The following FBLN7 variants were observed in gnomAD, a reference collection of about 807,000 sequenced individuals.
The protein encoded by FBLN7 is fibulin 7, also known as fibulin-7.
FBLN7 carries 31 observed loss-of-function variants against 44.0 expected under a neutral mutation model. The observed-to-expected ratio is 0.70, with a 90% confidence interval of 0.53 to 0.95. The LOEUF is 0.95. Among genes scored for constraint, FBLN7 ranks in the 40% least tolerant of loss-of-function variants. The pLI, the probability that FBLN7 is intolerant of heterozygous loss-of-function variation, is 0.00. For synonymous variants in FBLN7, 262 were observed against 253.4 expected, an observed-to-expected ratio of 1.03 and a Z score of -0.32; for missense variants, 573 against 618.5, an observed-to-expected ratio of 0.93 and a Z score of 0.78.
At chr2:112,162,591 C>T (rs1002605407) in intron 2 of FBLN7, among the ~76,000 whole-genome samples, 1 of 152,210 alleles carries the variant, frequency 6.6e-6, no homozygotes, top group African/African-American at 2.4e-5. Context: ...TGGCTCTGCA[C>T]ACTCAGTAGG....
chr2:112,186,339 C>T (rs185142389), intron 7 of FBLN7, among the ~76,000 whole-genome samples: 240 of 152,218 alleles, frequency 1.6e-3, no homozygotes, highest in African/African-American at 5.2e-3. Context: ...GGGCTTCCTG[C>T]GTTGAGAATA....
intron 6 of FBLN7, among the ~76,000 whole-genome samples, chr2:112,184,836 TACACACAC>T (rs201187119): frequency 7.1e-6 from 1 of 140,458 alleles, no homozygotes; most frequent in Non-Finnish European, 1.5e-5. Flanking sequence ...TACATATATA[TACACACAC>T]ACATATATAT....
At chr2:112,160,786 GCACACGCACA>G (rs1558880387) in intron 2 of FBLN7, among the ~76,000 whole-genome samples, 6 of 100,660 alleles carry the variant, frequency 6.0e-5, no homozygotes, top group East Asian at 2.4e-4. Context: ...GCACACGCAC[GCACACGCACA>G]CACGCACGCA....
At chr2:112,168,990 G>A (rs1003770412) in intron 3 of FBLN7, among the ~76,000 whole-genome samples, 1 of 152,190 alleles carries the variant, frequency 6.6e-6, no homozygotes, top group Non-Finnish European at 1.5e-5. Flanking sequence ...ACAGCAGGCA[G>A]GCCAGGAGCG....
intron 3 of FBLN7, among the ~76,000 whole-genome samples, chr2:112,174,043 G>T (rs1355614941): frequency 1.3e-5 from 2 of 152,244 alleles, no homozygotes; most frequent in Non-Finnish European, 1.5e-5. Context: ...GGCAGCAAAG[G>T]AGAGACCACA....
intron 4 of FBLN7, among the ~76,000 whole-genome samples, chr2:112,180,846 C>T (rs545354953): frequency 7.0e-6 from 1 of 142,648 alleles, no homozygotes; most frequent in Admixed American, 7.4e-5. Context: ...TGGCATGAAC[C>T]CGGGAGGCAG....
At chr2:112,167,464 G>A (rs777563863) in intron 3 of FBLN7, among the ~76,000 whole-genome samples, 3 of 152,116 alleles carry the variant, frequency 2.0e-5, no homozygotes, top group Admixed American at 6.6e-5. Context: ...GGTTGCTTTA[G>A]TTATGCATTT....
the FBLN7 span, chr2:112,236,736 C>T: frequency 7.2e-6 from 11 of 1,533,998 alleles, no homozygotes; most frequent in East Asian, 1.7e-4. Flanking sequence ...CATAAAGTTA[C>T]AATAGCAGTT....
At chr2:112,234,451 T>A in the FBLN7 span, among the ~76,000 whole-genome samples, 3 of 152,312 alleles carry the variant, frequency 2.0e-5, no homozygotes, top group Middle Eastern at 0.01. Flanking sequence ...AATGTTTGTA[T>A]TGATTTGAAT....
the FBLN7 span, among the ~76,000 whole-genome samples, chr2:112,243,775 T>G: frequency 6.6e-6 from 1 of 152,088 alleles, no homozygotes; most frequent in Non-Finnish European, 1.5e-5. Context: ...TTATAGAAAA[T>G]GCTTACTGAT....
rs903715528 is a variant in FBLN7, at chr2:112,165,321, C to T, written c.406+150C>T. On this transcript the variant is annotated intron_variant, in intron 3 of 7. Transcript: ENST00000331203. Reference sequence around the variant, plus strand: ...GAACAGCAGCCAATGTGCCTGATCACTCACCTCCATGCCAGGTTGGCGCTG... The same window carrying T: ...GAACAGCAGCCAATGTGCCTGATCATTCACCTCCATGCCAGGTTGGCGCTG... 6 of 974,962 alleles carry T rather than the reference C, an allele frequency of 6.2e-6. No homozygotes were observed. In the African/African-American group the frequency reaches 6.6e-5, roughly 11 times the overall value. 60.4% of individuals were successfully genotyped at this position (974,962 alleles called of 1,614,324 possible). A position where few individuals can be genotyped will look rare whatever the true frequency, so the allele number is the denominator to read the frequency against.
At chr2:112,191,167 C>T (rs759470918), downstream of FBLN7, among the ~76,000 whole-genome samples, 15 of 151,608 alleles carry the variant, frequency 9.9e-5, no homozygotes, top group African/African-American at 2.2e-4. Context: ...GTAGTGTTTT[C>T]GTTTTATTTT....
chr2:112,196,371 C>CT, the FBLN7 span, among the ~76,000 whole-genome samples: 1 of 115,594 alleles, frequency 8.7e-6, no homozygotes, highest in Non-Finnish European at 1.7e-5. Context: ...TCTTCTTCTT[C>CT]TTCTTTTTTT....
the FBLN7 span, chr2:112,233,519 AACC>A: frequency 1.6e-6 from 1 of 618,002 alleles, no homozygotes; most frequent in Middle Eastern, 4.1e-4. Flanking sequence ...AATAAATTAT[AACC>A]ACATCACATA....
the FBLN7 span, among the ~76,000 whole-genome samples, chr2:112,244,385 C>T: frequency 2.0e-5 from 3 of 151,998 alleles, no homozygotes; most frequent in Non-Finnish European, 4.4e-5. Flanking sequence ...GGGTGTATGC[C>T]AACCAATGAG....
the FBLN7 span, among the ~76,000 whole-genome samples, chr2:112,241,167 C>T: frequency 1.3e-5 from 2 of 152,062 alleles, no homozygotes; most frequent in Non-Finnish European, 1.5e-5. Flanking sequence ...TAAAATTCTA[C>T]AAAAAACAGA....
chr2:112,187,358 G>T lies in FBLN7; in HGVS notation c.1172G>T (p.Arg391Leu). The change falls in exon 8 of 8, where the codon CGG becomes CTG. Residue 391 changes from arginine (R) to leucine (L), a missense_variant. Physicochemically the swap from Arg to Leu is moderately radical, Grantham distance 102 (BLOSUM62 -2). Coordinates refer to ENST00000331203, the MANE Select transcript of FBLN7 (RefSeq NM_153214.3). This position sits in a 1 kb window ranked among gnomAD's most constrained non-coding sequence, Gnocchi z 5.1. ...RGHFVMQRSD[R>L]QTGDLILVQN... is the part of the protein sequence containing the mutation. ...CACTTTGTGATGCAGCGTTCAGACC[G>T]GCAGACTGGGGATCTGATCCTTGTG... 2 of 1,614,150 alleles carry T rather than the reference G, an allele frequency of 1.2e-6. No homozygotes were observed. Among genetic ancestry groups the T allele is most frequent in the Non-Finnish European group, 1.7e-6 (2 of 1,180,030 alleles).
At chr2:112,219,074 G>GT in the FBLN7 span, among the ~76,000 whole-genome samples, 2 of 152,102 alleles carry the variant, frequency 1.3e-5, no homozygotes, top group Admixed American at 6.5e-5. Context: ...TCAAATTGAT[G>GT]TTTTTTTCCA....
chr2:112,151,117 G>T (rs1681138860), intron 1 of FBLN7, among the ~76,000 whole-genome samples: 1 of 152,204 alleles, frequency 6.6e-6, no homozygotes, highest in Non-Finnish European at 1.5e-5. Context: ...GGTGGGTGTA[G>T]CCTGGGGAGG....
Sources: gnomAD v4.1 joint callset for allele counts (sites outside exome capture counted in the v4.1 genomes callset) on GRCh38, gnomAD v4.1.1 for gene constraint, Gnocchi (gnomAD v3.1) non-coding constraint, MANE v1.5 for transcripts, NCBI Gene and HGNC (gene_info 2026-07-23, HGNC 2026-07-21) for gene names.